The following C15orf39 variants were observed in gnomAD, a reference collection of about 807,000 sequenced individuals.
C15orf39 encodes the protein uncharacterized protein C15orf39.
C15orf39 carries 24 observed loss-of-function variants against 53.9 expected under a neutral mutation model. The ratio of observed to expected loss-of-function variants is 0.45; its 90% confidence interval spans 0.32 to 0.63. The LOEUF is 0.63. C15orf39 is among the 20% of genes least tolerant of loss of function. The pLI is 0.04. For missense variants in C15orf39, 1,271 were observed against 1,347.9 expected (o/e 0.94, Z 0.89); for synonymous variants, 569 against 576.5 (o/e 0.99, Z 0.19).
In C15orf39 at chr15:75,207,720, C is replaced by T; in HGVS notation, c.1672C>T (p.Pro558Ser). The change falls in exon 2 of 3, where the codon CCC (proline) becomes TCC (serine). Residue 558 changes from proline (P) to serine (S), a missense_variant. By Grantham distance (74) the Pro-to-Ser change is moderately conservative. Transcript: ENST00000394987. Reference protein sequence around the residue: ...CRGTLPAQEGPSGSKPLRGSL... With the variant: ...CRGTLPAQEGSSGSKPLRGSL... ...GGGGACCCTGCCTGCCCAGGAGGGC[C>T]CCTCAGGGAGTAAACCCCTAAGGGG... The T allele has an allele frequency of 6.2e-7, 1 of 1,601,870 alleles. No individual in the cohort carries two copies. The highest frequency in any genetic ancestry group is 8.5e-7 in the Non-Finnish European group (1 of 1,173,212).
In C15orf39 at chr15:75,211,388, G is replaced by C. The variant is rs920880993; in HGVS notation, c.*272G>C. The C allele has an allele frequency of 2.5e-6, 1 of 397,976 alleles. No homozygotes were observed. The highest frequency in any genetic ancestry group is 4.4e-6 in the Non-Finnish European group (1 of 225,288). The allele number at this position is 397,976 out of a possible 1,614,324, so 24.7% of individuals were successfully genotyped here. On this transcript the variant is annotated 3_prime_UTR_variant, in exon 3 of 3. Transcript: ENST00000394987. Reference sequence around the variant, plus strand: ...CAGACCTGGGCTTGAATCCCGGCTCGTGTTCTTGCTGCAGGACCTGGGCAA... The same window carrying C: ...CAGACCTGGGCTTGAATCCCGGCTCCTGTTCTTGCTGCAGGACCTGGGCAA...
chr15:75,208,453 A>G lies in C15orf39; in HGVS notation c.2405A>G (p.Gln802Arg). Residue 802 changes from glutamine (Q) to arginine (R), a missense_variant, in exon 2 of 3, where the codon CAG (glutamine) becomes CGG (arginine). By Grantham distance (43) the Gln-to-Arg change is conservative (BLOSUM62 1). This residue lies in a region of C15orf39 where 277 missense variants were observed against 354.1 expected (regional missense o/e 0.78). Coordinates refer to ENST00000394987, the MANE Select transcript of C15orf39 (RefSeq NM_015492.5). ...EWLETAGPWG[Q>R]AAWQDCQGVQ... is the part of the protein sequence containing the mutation. ...CTAGAGACGGCTGGGCCCTGGGGCC[A>G]GGCTGCGTGGCAGGACTGCCAGGGT... is the stretch of plus-strand genomic sequence containing the variant. 1 of 1,604,108 alleles carries G rather than the reference A, an allele frequency of 6.2e-7. No homozygotes were observed. The highest frequency in any genetic ancestry group is 8.5e-7 in the Non-Finnish European group (1 of 1,178,432).
In C15orf39 at chr15:75,207,259, T is replaced by G. The variant is rs530211941; in HGVS notation, c.1211T>G (p.Val404Gly). ...GGGACACCACCTTCCCAGAACAATG[T>G]GCGGGCTGTGCCACAGCCTGGTGCC... ...LGGTPPSQNN[V>G]RAVPQPGAFQ... The change falls in exon 2 of 3, where the codon GTG becomes GGG. Residue 404 changes from valine (V) to glycine (G), a missense_variant. This residue lies in a region of C15orf39 where 994 missense variants were observed against 993.7 expected (regional missense o/e 1.00). Transcript: ENST00000394987. The G allele has an allele frequency of 1.1e-5, 17 of 1,613,518 alleles. No homozygotes were observed. The African/African-American group carries it at 2.1e-4, about 20-fold the overall frequency.
At position 75,207,759 on chromosome 15, in the gene C15orf39, G is replaced by A; in HGVS notation, c.1711G>A (p.Glu571Lys). ...ACCCCTAAGGGGCTCACTTAAGGAG[G>A]AGGTAGCCCTGGATTTGAGTGTGAG... ...SKPLRGSLKEEVALDLSVRKP... is the reference protein window; with the variant it reads ...SKPLRGSLKEKVALDLSVRKP... Residue 571 changes from glutamate to lysine, a missense_variant, in exon 2 of 3, where the codon GAG (glutamate) becomes AAG (lysine). Glu to Lys is a moderately conservative substitution (Grantham distance 56). Coordinates refer to ENST00000394987, the MANE Select transcript of C15orf39 (RefSeq NM_015492.5). 1 of 1,610,214 alleles carries A rather than the reference G, an allele frequency of 6.2e-7. No homozygotes were observed. Among genetic ancestry groups the A allele is most frequent in the Non-Finnish European group, 8.5e-7 (1 of 1,178,214 alleles).
chr15:75,208,935 C>T, intron 2 of C15orf39, 111 bp downstream of exon 2: 1 of 1,460,040 alleles, frequency 6.8e-7, no homozygotes, highest in Non-Finnish European at 9.0e-7. Context: ...GGACTCCTGC[C>T]CGGGTAGGGG....
Position 75,208,167 on chromosome 15 carries a change from G to A in C15orf39, c.2119G>A (p.Ala707Thr). 1 of 1,613,844 alleles carries A rather than the reference G, an allele frequency of 6.2e-7. No individual in the cohort carries two copies. Among genetic ancestry groups the A allele is most frequent in the East Asian group, 2.2e-5 (1 of 44,888 alleles). ...QPLSVTCFSL[A>T]LPSPPAVAVA... ...CTTGTCTGTGACCTGCTTCAGCCTGGCACTGCCCAGCCCTCCAGCCGTAGC... is the reference window on the plus strand; with the variant it reads ...CTTGTCTGTGACCTGCTTCAGCCTGACACTGCCCAGCCCTCCAGCCGTAGC... The change falls in exon 2 of 3, where the codon GCA becomes ACA. Residue 707 changes from alanine (A) to threonine (T), a missense_variant. Coordinates refer to ENST00000394987, the MANE Select transcript of C15orf39 (RefSeq NM_015492.5).
chr15:75,206,857 C>T lies in C15orf39; in HGVS notation c.809C>T (p.Pro270Leu). 1.4e-6 allele frequency: 2 copies of T among 1,467,594 alleles called. No homozygotes were observed. The highest frequency in any genetic ancestry group is 9.1e-7 in the Non-Finnish European group (1 of 1,103,116). The allele number at this position is 1,467,594 out of a possible 1,614,324, so 90.9% of individuals were successfully genotyped here. A position where few individuals can be genotyped will look rare whatever the true frequency, so the allele number is the denominator to read the frequency against. ...PCQDTGPTHY[P>L]PPHHPPPHPP... is the part of the protein sequence containing the mutation. The stretch of plus-strand genomic sequence containing the variant: ...CAGGACACCGGGCCCACCCACTACC[C>T]ACCACCCCACCACCCACCACCCCAC... The change falls in exon 2 of 3, where the codon CCA (proline) becomes CTA (leucine). Residue 270 changes from proline to leucine, a missense_variant. Coordinates refer to ENST00000394987, the MANE Select transcript of C15orf39 (RefSeq NM_015492.5).
rs1429717045 is a variant in C15orf39, at chr15:75,206,184, T to C, written c.136T>C (p.Ser46Pro). ...GNQDPCTYKGSYFSCPMAGTP... is the reference protein window; with the variant it reads ...GNQDPCTYKGPYFSCPMAGTP... ...CCAGGATCCCTGCACCTACAAGGGG[T>C]CCTACTTCTCCTGCCCCATGGCAGG... The change falls in exon 2 of 3, where the codon TCC becomes CCC. Residue 46 changes from serine to proline, a missense_variant. By Grantham distance (74) the Ser-to-Pro change is moderately conservative. Transcript: ENST00000394987. 1 of 1,613,848 alleles carries C rather than the reference T, an allele frequency of 6.2e-7. No homozygotes were observed.
upstream of C15orf39, among the ~76,000 whole-genome samples, chr15:75,200,302 C>T (rs1288287492): frequency 6.6e-6 from 1 of 152,214 alleles, no homozygotes; most frequent in Admixed American, 6.5e-5. Flanking sequence ...CTCAGCAGTG[C>T]TGCAAATCTT....
At position 75,206,917 on chromosome 15, in the gene C15orf39, G is replaced by A. The variant is rs1335572690; in HGVS notation, c.869G>A (p.Arg290His). 39 of 1,514,316 alleles carry A rather than the reference G, an allele frequency of 2.6e-5. No individual in the cohort carries two copies. The highest frequency in any genetic ancestry group is 3.2e-5 in the Non-Finnish European group (36 of 1,135,930). The allele number at this position is 1,514,316 out of a possible 1,614,324, so 93.8% of individuals were successfully genotyped here. The change falls in exon 2 of 3, where the codon CGC (arginine) becomes CAC (histidine). Residue 290 changes from arginine to histidine, a missense_variant. This residue lies in a region of C15orf39 where 994 missense variants were observed against 993.7 expected (regional missense o/e 1.00). Coordinates refer to ENST00000394987, the MANE Select transcript of C15orf39 (RefSeq NM_015492.5). ...GCCCTGCCTTGCCCTCCAGCCTGTC[G>A]CCACCCAGAGAAGCAGGGCAGCTAC... Reference protein sequence around the residue: ...PQALPCPPACRHPEKQGSYSP... With the variant: ...PQALPCPPACHHPEKQGSYSP...
chr15:75,208,019 C>G lies in C15orf39; in HGVS notation c.1971C>G (p.Leu657=). The G allele has an allele frequency of 6.2e-7, 1 of 1,614,082 alleles. No homozygotes were observed. The change falls in exon 2 of 3, where the codon CTC becomes CTG. Residue 657 remains leucine (L), a synonymous_variant. Coordinates refer to ENST00000394987, the MANE Select transcript of C15orf39 (RefSeq NM_015492.5). ...VAFMFRKFKI[L]RPAPLPAAVV... is the part of the protein sequence containing the mutation. ...TCATGTTCCGAAAGTTCAAGATCCT[C>G]CGTCCGGCACCTTTGCCTGCAGCCG...
At chr15:75,209,155 G>C (rs1229543727) in intron 2 of C15orf39, 1 of 304,268 alleles carries the variant, frequency 3.3e-6, no homozygotes, top group Non-Finnish European at 6.2e-6. Context: ...CGGCACTCTG[G>C]TTAGGCCCTG....
chr15:75,199,106 A>T (rs2070387212), upstream of C15orf39: 1 of 152,252 alleles, frequency 6.6e-6, no homozygotes, highest in African/African-American at 2.4e-5. Flanking sequence ...GTAGCAAGTC[A>T]TGTCCCTGTA....
rs754035815 is a variant in C15orf39 at position 75,206,452 on chromosome 15, G to A, written c.404G>A (p.Arg135His). ...PPLAAPKPVY[R>H]NPLCYGLSTC... ...CTGGCAGCACCCAAACCTGTCTACC[G>A]CAACCCTCTGTGCTATGGGCTCTCA... Residue 135 changes from arginine (R) to histidine (H), a missense_variant, in exon 2 of 3, where the codon CGC becomes CAC. Arg to His is a conservative substitution (Grantham distance 29, BLOSUM62 0). Coordinates refer to ENST00000394987, the MANE Select transcript of C15orf39 (RefSeq NM_015492.5). The A allele has an allele frequency of 5.3e-5, 85 of 1,613,866 alleles. No individual in the cohort carries two copies. Among genetic ancestry groups the A allele is most frequent in the African/African-American group, 1.2e-4 (9 of 74,908 alleles).
chr15:75,201,349 T>C (rs2070399959), upstream of C15orf39, among the ~76,000 whole-genome samples: 1 of 152,148 alleles, frequency 6.6e-6, no homozygotes. This position sits in a 1 kb window ranked among gnomAD's most constrained non-coding sequence, Gnocchi z 4.7. Flanking sequence ...AGATTGCCGC[T>C]TCCTCAGACA....
chr15:75,204,551 G>A (rs2070425364), intron 1 of C15orf39, among the ~76,000 whole-genome samples: 1 of 151,958 alleles, frequency 6.6e-6, no homozygotes, highest in Non-Finnish European at 1.5e-5. Flanking sequence ...CTGCTGCCCA[G>A]GCTGGAAGTG....
chr15:75,206,031 C>T lies in C15orf39; in HGVS notation c.-18C>T, dbSNP rs780056068. On this transcript the variant is annotated 5_prime_UTR_variant, in exon 2 of 3. Coordinates refer to ENST00000394987, the MANE Select transcript of C15orf39 (RefSeq NM_015492.5). The stretch of plus-strand genomic sequence containing the variant: ...GTTGAGTAGCAGGGGCCTAGGAGGG[C>T]TCGAAGCCTTCACAGCGATGGCAGA... 1.2e-5 allele frequency: 19 copies of T among 1,563,922 alleles called. No individual in the cohort carries two copies. The highest frequency in any genetic ancestry group is 2.3e-5 in the East Asian group (1 of 42,814).
chr15:75,206,852 C>A lies in C15orf39; in HGVS notation c.804C>A (p.His268Gln). 1 of 1,556,622 alleles carries A rather than the reference C, an allele frequency of 6.4e-7. No individual in the cohort carries two copies. Among genetic ancestry groups the A allele is most frequent in the Non-Finnish European group, 8.7e-7 (1 of 1,153,886 alleles). The change falls in exon 2 of 3, where the codon CAC becomes CAA. Residue 268 changes from histidine to glutamine, a missense_variant. Transcript: ENST00000394987. ...GPPCQDTGPT[H>Q]YPPPHHPPPH... ...CCTGTCAGGACACCGGGCCCACCCACTACCCACCACCCCACCACCCACCAC... is the reference window on the plus strand; with the variant it reads ...CCTGTCAGGACACCGGGCCCACCCAATACCCACCACCCCACCACCCACCAC...
Position 75,211,169 on chromosome 15 carries a change from G to A in C15orf39, c.*53G>A. 1 of 1,526,692 alleles carries A rather than the reference G, an allele frequency of 6.6e-7. No individual in the cohort carries two copies. Among genetic ancestry groups the A allele is most frequent in the Non-Finnish European group, 8.8e-7 (1 of 1,140,554 alleles). 94.6% of individuals were successfully genotyped at this position (1,526,692 alleles called of 1,614,324 possible). On this transcript the variant is annotated 3_prime_UTR_variant, in exon 3 of 3. Coordinates refer to ENST00000394987, the MANE Select transcript of C15orf39 (RefSeq NM_015492.5). ...CAGTCACTCTCCACCCTTCCCTTCT[G>A]CCTGCCCAGCTGCCCCGGGGCCACG...
Sources: gnomAD v4.1 joint callset for allele counts (sites outside exome capture counted in the v4.1 genomes callset) on GRCh38, gnomAD v4.1.1 for gene constraint, gnomAD v4.1.1 regional missense constraint, Gnocchi (gnomAD v3.1) non-coding constraint, MANE v1.5 for transcripts, NCBI Gene and HGNC (gene_info 2026-07-23, HGNC 2026-07-21) for gene names.